VAV1: variants seen among roughly 807,000 people sequenced by gnomAD.
VAV1 encodes the protein vav guanine nucleotide exchange factor 1.
A neutral mutation model predicts 128.1 loss-of-function variants in VAV1; 33 were observed. The observed-to-expected ratio is 0.26, with a 90% confidence interval of 0.20 to 0.34. The LOEUF is 0.34. Ranked by LOEUF, VAV1 falls within the 10% of genes least tolerant of loss-of-function variation. The probability of loss-of-function intolerance (pLI) is 1.00; values close to 1 mark genes in which losing one functional copy is unlikely to be tolerated. For synonymous variants in VAV1, 394 were observed against 409.8 expected, an observed-to-expected ratio of 0.96 and a Z score of 0.47; for missense variants, 715 against 1,093.7, an observed-to-expected ratio of 0.65 and a Z score of 4.88.
rs894098139 is a variant in VAV1, at chr19:6,834,685, TA to T, written c.1777+737del. On this transcript the variant is annotated intron_variant, in intron 19 of 26. Coordinates refer to ENST00000602142, the MANE Select transcript of VAV1 (RefSeq NM_005428.4). ...AAAATATATATTAATATATATTTAT[TA>T]AAAATATATTATATGTATATATAAT... 3.1e-3 allele frequency among the ~76,000 whole-genome samples: 449 copies of T among 146,828 alleles called. 1 individual carries two copies. The highest frequency in any genetic ancestry group is 6.3e-3 in the South Asian group (30 of 4,764).
At chr19:6,829,367 C>T (rs528259480) in intron 13 of VAV1, among the ~76,000 whole-genome samples, 57 of 150,724 alleles carry the variant, frequency 3.8e-4, no homozygotes, top group African/African-American at 1.3e-3. Context: ...CGTGGCCAGG[C>T]TCCTAGATGG....
chr19:6,788,284 G>T (rs190611105), intron 1 of VAV1, among the ~76,000 whole-genome samples: 3 of 151,990 alleles, frequency 2.0e-5, no homozygotes, highest in African/African-American at 7.2e-5. Context: ...AAATAGGGGG[G>T]TTGGCTTTCT....
intron 1 of VAV1, among the ~76,000 whole-genome samples, chr19:6,773,262 C>G (rs1368409183): frequency 6.6e-6 from 1 of 152,136 alleles, no homozygotes; most frequent in African/African-American, 2.4e-5. Context: ...AACTGGCAAA[C>G]TAGGGGTTAA....
chr19:6,789,739 A>G (rs1970976393), intron 1 of VAV1, among the ~76,000 whole-genome samples: 1 of 152,114 alleles, frequency 6.6e-6, no homozygotes, highest in East Asian at 1.9e-4. Context: ...CTGGGTTTAT[A>G]GGCATGTGCC....
rs531415509 is a variant in VAV1, at chr19:6,789,314, G to A, written c.204+16303G>A. On this transcript the variant is annotated intron_variant, in intron 1 of 26. Coordinates refer to ENST00000602142, the MANE Select transcript of VAV1 (RefSeq NM_005428.4). ...GTCGCCCAGGCTGGAGTGCAGTGGCGCGATCTCGTCTCACTGCAAGCTCCA... is the reference window on the plus strand; with the variant it reads ...GTCGCCCAGGCTGGAGTGCAGTGGCACGATCTCGTCTCACTGCAAGCTCCA... 8.6e-5 allele frequency among the ~76,000 whole-genome samples: 13 copies of A among 150,706 alleles called. No homozygotes were observed. In the East Asian group the frequency reaches 1.2e-3, roughly 14 times the overall value.
chr19:6,852,540 T>G (rs1435754334), intron 24 of VAV1, among the ~76,000 whole-genome samples: 1 of 151,862 alleles, frequency 6.6e-6, no homozygotes, highest in Non-Finnish European at 1.5e-5. Context: ...GCTAACACGG[T>G]GAAACCCCGT....
chr19:6,850,375 T>A (rs1599683070), intron 23 of VAV1, among the ~76,000 whole-genome samples: 1 of 150,232 alleles, frequency 6.7e-6, no homozygotes, highest in East Asian at 2.0e-4. Flanking sequence ...TCTATATTGG[T>A]GGAAGGGGAG....
chr19:6,799,250 C>CT (rs1320915381), intron 1 of VAV1, among the ~76,000 whole-genome samples: 1 of 152,140 alleles, frequency 6.6e-6, no homozygotes, highest in Non-Finnish European at 1.5e-5. Flanking sequence ...TCACTGCAAC[C>CT]TCCGCCTCCC....
chr19:6,841,632 G>A (rs1972380166), intron 21 of VAV1, among the ~76,000 whole-genome samples: 1 of 151,634 alleles, frequency 6.6e-6, no homozygotes, highest in African/African-American at 2.4e-5. Flanking sequence ...GCGTCACCAC[G>A]CCCGGCTAAT....
At chr19:6,784,808 T>C (rs1039687686) in intron 1 of VAV1, among the ~76,000 whole-genome samples, 2 of 151,990 alleles carry the variant, frequency 1.3e-5, no homozygotes, top group African/African-American at 4.8e-5. Flanking sequence ...TTCTATTCTA[T>C]TCACTGACCT....
intron 23 of VAV1, among the ~76,000 whole-genome samples, chr19:6,849,203 G>T (rs1972603493): frequency 6.7e-6 from 1 of 150,346 alleles, no homozygotes; most frequent in Admixed American, 6.7e-5. Context: ...CACCCAGGGA[G>T]TGATCATATA....
chr19:6,818,408 C>T (rs544727488), intron 1 of VAV1, among the ~76,000 whole-genome samples: 27 of 152,312 alleles, frequency 1.8e-4, no homozygotes, highest in African/African-American at 6.5e-4. Flanking sequence ...TCCCTATCCT[C>T]CCCTCTTCTT....
intron 1 of VAV1, among the ~76,000 whole-genome samples, chr19:6,773,549 G>A (rs1449974640): frequency 6.6e-6 from 1 of 152,048 alleles, no homozygotes; most frequent in Non-Finnish European, 1.5e-5. Context: ...TGGGGCAGGT[G>A]GGGGGCTGCA....
intron 1 of VAV1, among the ~76,000 whole-genome samples, chr19:6,817,205 G>A (rs1971674270): frequency 1.3e-5 from 2 of 151,668 alleles, no homozygotes; most frequent in Admixed American, 1.3e-4. Context: ...CCGCCACCAT[G>A]CCTGGCTAAT....
chr19:6,833,398 T>G, intron 16 of VAV1, 113 bp downstream of exon 16: 1 of 1,373,858 alleles, frequency 7.3e-7, no homozygotes, highest in East Asian at 2.3e-5. Context: ...GTCCCTACTT[T>G]GATCTTCTGC....
At chr19:6,824,536 T>C (rs1313440321) in intron 6 of VAV1, among the ~76,000 whole-genome samples, 1 of 151,904 alleles carries the variant, frequency 6.6e-6, no homozygotes, top group Non-Finnish European at 1.5e-5. Flanking sequence ...GACCACATTT[T>C]TTTTTTCTTT....
At chr19:6,849,328 G>A (rs1038042463) in intron 23 of VAV1, among the ~76,000 whole-genome samples, 5 of 116,696 alleles carry the variant, frequency 4.3e-5, no homozygotes, top group African/African-American at 1.4e-4. Context: ...TCACTTTGCC[G>A]CCCAGGCTGG....
intron 8 of VAV1, among the ~76,000 whole-genome samples, chr19:6,825,903 A>C (rs1971905241): frequency 6.6e-6 from 1 of 151,894 alleles, no homozygotes; most frequent in African/African-American, 2.4e-5. Flanking sequence ...AATACAAAAA[A>C]CAATTAGCTG....
chr19:6,856,190 G>A (rs572827385), intron 26 of VAV1, among the ~76,000 whole-genome samples: 1 of 152,206 alleles, frequency 6.6e-6, no homozygotes, highest in South Asian at 2.1e-4. Context: ...CCAGGTACTC[G>A]TTAAGCTGAG....
Sources: allele counts gnomAD v4.1 joint callset (sites outside exome capture counted in the v4.1 genomes callset), GRCh38; gene constraint gnomAD v4.1.1; transcripts MANE v1.5; gene names NCBI Gene and HGNC (gene_info 2026-07-23, HGNC 2026-07-21).